Variants in SULT2B1 observed in about 807,000 individuals in gnomAD.
SULT2B1 encodes sulfotransferase family 2B member 1, also known as sulfotransferase 2B1.
In SULT2B1, 16 loss-of-function variants were observed where a neutral mutation model predicts 33.2. That is an observed-to-expected ratio of 0.48 (90% confidence interval 0.33 to 0.73). The LOEUF (loss-of-function observed/expected upper bound fraction) is 0.73, where lower values mean the gene tolerates loss of function less well. SULT2B1 is among the 30% of genes least tolerant of loss of function. The pLI, the probability that SULT2B1 is intolerant of heterozygous loss-of-function variation, is 0.02. For synonymous variants in SULT2B1, 186 were observed against 200.5 expected (o/e 0.93, Z 0.61); for missense variants, 500 against 506.0 (o/e 0.99, Z 0.11).
At chr19:48,596,458 G>A (rs1334000694) in intron 5 of SULT2B1, 1 of 232,244 alleles carries the variant, frequency 4.3e-6, no homozygotes, top group East Asian at 1.2e-4. Flanking sequence ...GCCCCCGGCT[G>A]TGACCTCTGC....
intron 1 of SULT2B1, among the ~76,000 whole-genome samples, chr19:48,561,297 A>T (rs184581775): frequency 5.4e-4 from 82 of 150,650 alleles, no homozygotes; most frequent in Middle Eastern, 7.1e-3. Context: ...TCGTGGTGGC[A>T]CATGCCTGTA....
chr19:48,577,352 CTTTTTTTTTT>C (rs1209521675), intron 2 of SULT2B1, among the ~76,000 whole-genome samples: 15 of 30,646 alleles, frequency 4.9e-4, no homozygotes, highest in East Asian at 4.2e-3. Context: ...ACTGAGCCGT[CTTTTTTTTTT>C]TTTTTTTTTT....
chr19:48,557,961 G>A (rs1220071505), intron 1 of SULT2B1, among the ~76,000 whole-genome samples: 1 of 152,002 alleles, frequency 6.6e-6, no homozygotes, highest in African/African-American at 2.4e-5. Context: ...AAATAAAATC[G>A]TAAGAGGAAA....
chr19:48,563,035 C>G (rs9789261), intron 1 of SULT2B1, among the ~76,000 whole-genome samples: 34,270 of 151,814 alleles, frequency 0.23, 4,167 homozygotes, highest in East Asian at 0.45. Context: ...AAAAGTTAAG[C>G]GGGAACTTTC....
At chr19:48,578,545 G>A (rs1188828835) in intron 2 of SULT2B1, among the ~76,000 whole-genome samples, 1 of 151,900 alleles carries the variant, frequency 6.6e-6, no homozygotes, top group Non-Finnish European at 1.5e-5. Flanking sequence ...TCACCCCACC[G>A]CACTCCAGCT....
rs948836113 is a variant in SULT2B1 at position 48,576,379 on chromosome 19, T to G, written c.214+296T>G. Among the ~76,000 whole-genome samples, 13 of 144,378 alleles carry G rather than the reference T, an allele frequency of 9.0e-5. 1 individual carries two copies. Among genetic ancestry groups the G allele is most frequent in the African/African-American group, 7.7e-5 (3 of 38,994 alleles). The allele number at this position is 144,378 out of a possible 152,430, so 94.7% of individuals were successfully genotyped here. On this transcript the variant is annotated intron_variant, in intron 2 of 6. Coordinates refer to ENST00000201586, the MANE Select transcript of SULT2B1 (RefSeq NM_177973.2). ...CTTCTCTTTTTTTTTTTTTTTTTTG[T>G]AGAGATGGGGTCTCGCTACATTGCC...
In SULT2B1 at chr19:48,576,051, A is replaced by G. The variant is rs1476615483; in HGVS notation, c.182A>G (p.Asp61Gly). The G allele has an allele frequency of 1.2e-6, 2 of 1,613,152 alleles. No homozygotes were observed. The highest frequency in any genetic ancestry group is 2.7e-5 in the African/African-American group (2 of 74,828). The change falls in exon 2 of 7, where the codon GAC becomes GGC. Residue 61 changes from aspartate to glycine, a missense_variant. Physicochemically the swap from Asp to Gly is moderately conservative, Grantham distance 94. Coordinates refer to ENST00000201586, the MANE Select transcript of SULT2B1 (RefSeq NM_177973.2). Reference protein sequence around the residue: ...LAENTQDVRDDDIFIITYPKS... With the variant: ...LAENTQDVRDGDIFIITYPKS... The stretch of plus-strand genomic sequence containing the variant: ...GAGAACACCCAAGATGTGCGGGACG[A>G]CGACATCTTTATCATCACCTACCCC...
intron 2 of SULT2B1, among the ~76,000 whole-genome samples, chr19:48,578,249 A>G (rs1003025196): frequency 2.0e-5 from 3 of 152,014 alleles, no homozygotes; most frequent in African/African-American, 7.2e-5. Context: ...TGACTTTGCC[A>G]TGTGCGTGGA....
Position 48,598,993 on chromosome 19 carries a change from G to A in SULT2B1, c.827-142G>A, listed in dbSNP as rs998475460. ...CCATAGGACACAAAGGGGGCAATGT[G>A]GAGGGTAGGGAGGACGGTGTTTCTG... On this transcript the variant is annotated intron_variant, in intron 6 of 6. Coordinates refer to ENST00000201586, the MANE Select transcript of SULT2B1 (RefSeq NM_177973.2). 28 of 1,410,724 alleles carry A rather than the reference G, an allele frequency of 2.0e-5. No individual in the cohort carries two copies. The Middle Eastern group carries it at 1.0e-3, about 52-fold the overall frequency. The allele number at this position is 1,410,724 out of a possible 1,614,324, so 87.4% of individuals were successfully genotyped here.
At position 48,552,633 on chromosome 19, in the gene SULT2B1, T is replaced by G. The variant is rs1973044934; in HGVS notation, c.71+310T>G. Among the ~76,000 whole-genome samples, 1 of 152,088 alleles carries G rather than the reference T, an allele frequency of 6.6e-6. No individual in the cohort carries two copies. The highest frequency in any genetic ancestry group is 1.5e-5 in the Non-Finnish European group (1 of 68,012). On this transcript the variant is annotated intron_variant, in intron 1 of 6. Coordinates refer to ENST00000201586, the MANE Select transcript of SULT2B1 (RefSeq NM_177973.2). The surrounding 1 kb of genome is among the most constrained non-coding windows in gnomAD (Gnocchi z 4.8). Reference sequence around the variant, plus strand: ...GCCCTGTGTCTCCCTGATAGAGCAGTGGAAGAGAGCAGGCAGCTTGGTGCA... The same window carrying G: ...GCCCTGTGTCTCCCTGATAGAGCAGGGGAAGAGAGCAGGCAGCTTGGTGCA...
At chr19:48,592,150 G>A (rs187997703) in intron 4 of SULT2B1, among the ~76,000 whole-genome samples, 33 of 152,124 alleles carry the variant, frequency 2.2e-4, no homozygotes, top group African/African-American at 5.3e-4. Flanking sequence ...AAAATTAGCC[G>A]GGTGTGGTGG....
Position 48,586,812 on chromosome 19 carries a change from C to G in SULT2B1, c.215-417C>G, listed in dbSNP as rs538640871. Among the ~76,000 whole-genome samples the G allele has an allele frequency of 2.6e-5, 4 of 152,260 alleles. No homozygotes were observed. The South Asian group carries it at 8.3e-4, about 32-fold the overall frequency. On this transcript the variant is annotated intron_variant, in intron 2 of 6. Transcript: ENST00000201586. ...GTGTGATAAAATAGGTGGTAAATTG[C>G]TCAATAAATGCTGTCAGGCAGGGCG...
intron 6 of SULT2B1, among the ~76,000 whole-genome samples, chr19:48,598,313 G>T (rs1468393151): frequency 6.6e-6 from 1 of 152,100 alleles, no homozygotes; most frequent in Non-Finnish European, 1.5e-5. Context: ...AGGCTTGGGA[G>T]GGGTGCCGTG....
rs1245336551 is a variant in SULT2B1, at chr19:48,599,350, A to G, written c.1042A>G (p.Ser348Gly). The change falls in exon 7 of 7, where the codon AGC becomes GGC. Residue 348 changes from serine (S) to glycine (G), a missense_variant. Coordinates refer to ENST00000201586, the MANE Select transcript of SULT2B1 (RefSeq NM_177973.2). The surrounding 1 kb of genome is among the most constrained non-coding windows in gnomAD (Gnocchi z 4.1). Reference protein sequence around the residue: ...SLEREPRPNSSPSPSPGQASE... With the variant: ...SLEREPRPNSGPSPSPGQASE... ...GGAGCGTGAGCCCAGACCCAACTCCAGCCCCAGCCCCAGCCCCGGCCAGGC... is the reference window on the plus strand; with the variant it reads ...GGAGCGTGAGCCCAGACCCAACTCCGGCCCCAGCCCCAGCCCCGGCCAGGC... 1.3e-6 allele frequency: 2 copies of G among 1,567,992 alleles called. No individual in the cohort carries two copies. Among genetic ancestry groups the G allele is most frequent in the Non-Finnish European group, 8.7e-7 (1 of 1,154,868 alleles).
chr19:48,588,739 G>A (rs893929556), intron 3 of SULT2B1, among the ~76,000 whole-genome samples: 1 of 151,968 alleles, frequency 6.6e-6, no homozygotes, highest in Non-Finnish European at 1.5e-5. Flanking sequence ...GGTCAAGGGG[G>A]CCCCCAGTGA....
intron 1 of SULT2B1, among the ~76,000 whole-genome samples, chr19:48,572,063 C>A (rs1253260374): frequency 6.6e-6 from 1 of 152,122 alleles, no homozygotes; most frequent in African/African-American, 2.4e-5. Flanking sequence ...CATGCATGTT[C>A]TTGGCATAGA....
Position 48,552,252 on chromosome 19 carries a change from C to T in SULT2B1, c.-1C>T. On this transcript the variant is annotated 5_prime_UTR_variant, in exon 1 of 7. Transcript: ENST00000201586. The surrounding 1 kb of genome is among the most constrained non-coding windows in gnomAD (Gnocchi z 4.8). The stretch of plus-strand genomic sequence containing the variant: ...CCCCTCCCCACCCTCACCCACCTGC[C>T]ATGGACGGGCCCGCCGAGCCCCAGA... The T allele has an allele frequency of 1.9e-6, 3 of 1,613,710 alleles. No homozygotes were observed. Among genetic ancestry groups the T allele is most frequent in the Non-Finnish European group, 2.5e-6 (3 of 1,179,842 alleles).
chr19:48,582,523 T>C (rs533917475), intron 2 of SULT2B1, among the ~76,000 whole-genome samples: 2 of 152,274 alleles, frequency 1.3e-5, no homozygotes, highest in Admixed American at 1.3e-4. Context: ...TGATATGTAA[T>C]GGCTACATTT....
In SULT2B1 at chr19:48,555,471, G is replaced by C. The variant is rs1973085811; in HGVS notation, c.71+3148G>C. Among the ~76,000 whole-genome samples, 3 of 151,634 alleles carry C rather than the reference G, an allele frequency of 2.0e-5. No individual in the cohort carries two copies. The South Asian group carries it at 6.3e-4, about 32-fold the overall frequency. ...CTTTGCTTATCTGGCTCCTTCCATA[G>C]GGATCCCAGAGACATCTTCTCTCTC... On this transcript the variant is annotated intron_variant, in intron 1 of 6. Coordinates refer to ENST00000201586, the MANE Select transcript of SULT2B1 (RefSeq NM_177973.2).
Sources: allele counts gnomAD v4.1 joint callset (sites outside exome capture counted in the v4.1 genomes callset), GRCh38; gene constraint gnomAD v4.1.1; non-coding constraint Gnocchi (gnomAD v3.1); transcripts MANE v1.5; gene names NCBI Gene and HGNC (gene_info 2026-07-23, HGNC 2026-07-21).